RTN4RL1: variants seen among roughly 807,000 people sequenced by gnomAD.
RTN4RL1 encodes reticulon 4 receptor like 1.
In RTN4RL1, 7 loss-of-function variants were observed where a neutral mutation model predicts 25.6. That is an observed-to-expected ratio of 0.27 (90% CI 0.16 to 0.51). The LOEUF is 0.51. Among genes scored for constraint, RTN4RL1 ranks in the 20% least tolerant of loss-of-function variants. The pLI is 0.97. For missense variants in RTN4RL1, 500 were observed against 615.6 expected, an observed-to-expected ratio of 0.81 and a Z score of 1.99; for synonymous variants, 297 against 288.2, an observed-to-expected ratio of 1.03 and a Z score of -0.31.
At chr17:1,996,779 C>A (rs1392341065) in intron 1 of RTN4RL1, among the ~76,000 whole-genome samples, 1 of 152,126 alleles carries the variant, frequency 6.6e-6, no homozygotes, top group Non-Finnish European at 1.5e-5. Context: ...TTTTCTAATG[C>A]TCCTAAAAAA....
chr17:2,018,872 T>C (rs1325836161), intron 1 of RTN4RL1: 2 of 152,312 alleles, frequency 1.3e-5, no homozygotes, highest in Admixed American at 6.5e-5. Flanking sequence ...ATTGGCAGCA[T>C]GTGGACAGTG....
chr17:2,024,737 C>G (rs574550061), intron 1 of RTN4RL1, 116 bp downstream of exon 1: 1 of 1,078,546 alleles, frequency 9.3e-7, no homozygotes, highest in East Asian at 2.8e-5. Flanking sequence ...GCAAAACCCA[C>G]CAGCCCGCCG....
intron 1 of RTN4RL1, among the ~76,000 whole-genome samples, chr17:2,011,896 G>A (rs754125865): frequency 3.3e-5 from 5 of 152,036 alleles, no homozygotes; most frequent in Non-Finnish European, 4.4e-5. Context: ...AGAAGTTCCC[G>A]AGCCTCTTTC....
At chr17:2,013,398 C>T (rs2067074730) in intron 1 of RTN4RL1, among the ~76,000 whole-genome samples, 1 of 152,356 alleles carries the variant, frequency 6.6e-6, no homozygotes, top group Non-Finnish European at 1.5e-5. Context: ...ACCAGCCTGA[C>T]TTCCAGCTGC....
chr17:1,960,571 A>G (rs1264876384), intron 1 of RTN4RL1, among the ~76,000 whole-genome samples: 3 of 152,218 alleles, frequency 2.0e-5, no homozygotes, highest in Non-Finnish European at 4.4e-5. Context: ...TTTATTACAA[A>G]TAAATAACTA....
At chr17:1,972,173 G>A (rs182860403) in intron 1 of RTN4RL1, among the ~76,000 whole-genome samples, 8 of 151,494 alleles carry the variant, frequency 5.3e-5, no homozygotes, top group African/African-American at 1.7e-4. Context: ...TGGGCGTGGT[G>A]GCAGGCACCT....
At chr17:1,977,924 T>C (rs1457894597) in intron 1 of RTN4RL1, among the ~76,000 whole-genome samples, 2 of 140,450 alleles carry the variant, frequency 1.4e-5, no homozygotes, top group Admixed American at 1.4e-4. Context: ...GAGCCCCGCG[T>C]CCCGCACCCC....
chr17:1,982,745 A>C (rs1465799186), intron 1 of RTN4RL1, among the ~76,000 whole-genome samples: 2 of 152,190 alleles, frequency 1.3e-5, no homozygotes, highest in East Asian at 3.9e-4. Context: ...AGGCTCCCCG[A>C]CAGCTCCAGG....
At chr17:1,954,619 C>T (rs1028086355) in intron 1 of RTN4RL1, among the ~76,000 whole-genome samples, 3 of 152,040 alleles carry the variant, frequency 2.0e-5, no homozygotes, top group South Asian at 2.1e-4. Flanking sequence ...AACTCCTGAC[C>T]TCAGATGATC....
chr17:1,967,264 CAAACA>C lies in RTN4RL1; in HGVS notation c.14-29461_14-29457del, dbSNP rs2066795728. Among the ~76,000 whole-genome samples the C allele has an allele frequency of 2.6e-5, 4 of 152,178 alleles. No homozygotes were observed. In the South Asian group the frequency reaches 8.3e-4, roughly 32 times the overall value. On this transcript the variant is annotated intron_variant, in intron 1 of 1. Coordinates refer to ENST00000331238, the MANE Select transcript of RTN4RL1 (RefSeq NM_178568.4). Reference sequence around the variant, plus strand: ...AGCAAATTCGACAAAACAAACAAAACAAACAAAACACTGTGTGGGCCAACACAGCT... The same window carrying C: ...AGCAAATTCGACAAAACAAACAAAACAAACACTGTGTGGGCCAACACAGCT...
chr17:2,019,099 G>T (rs552247592), intron 1 of RTN4RL1: 154 of 152,278 alleles, frequency 1.0e-3, no homozygotes, highest in African/African-American at 3.5e-3. Context: ...GGAGCTGATG[G>T]TTCCCTCAGT....
rs558403542 is a variant in RTN4RL1 at position 1,994,100 on chromosome 17, G to A, written c.13+30753C>T. ...AGGACACGTGCACTCGAACCTCGCC[G>A]CTCCGGGTCCCAATCTGTGGATTGC... On this transcript the variant is annotated intron_variant, in intron 1 of 1. Transcript: ENST00000331238. This position sits in a 1 kb window ranked among gnomAD's most constrained non-coding sequence, Gnocchi z 4.3. 2.6e-5 allele frequency among the ~76,000 whole-genome samples: 4 copies of A among 152,034 alleles called. No individual in the cohort carries two copies. Among genetic ancestry groups the A allele is most frequent in the East Asian group, 1.9e-4 (1 of 5,174 alleles).
intron 1 of RTN4RL1, among the ~76,000 whole-genome samples, chr17:1,953,450 G>A (rs546785110): frequency 6.6e-6 from 1 of 152,224 alleles, no homozygotes; most frequent in Non-Finnish European, 1.5e-5. Context: ...TATACCTAAT[G>A]TAAATGATGA....
chr17:1,972,557 A>C (rs1458934811), intron 1 of RTN4RL1, among the ~76,000 whole-genome samples: 4 of 151,144 alleles, frequency 2.6e-5, no homozygotes, highest in Non-Finnish European at 5.9e-5. Context: ...CGCCCTCTCT[A>C]CCCTCTGTCT....
rs546769552 is a variant in RTN4RL1, at chr17:1,937,875, G to A, written c.14-67C>T. The A allele has an allele frequency of 2.6e-4, 322 of 1,261,094 alleles. 5 individuals carry two copies. The South Asian group carries it at 3.2e-3, about 12-fold the overall frequency. The allele number at this position is 1,261,094 out of a possible 1,614,324, so 78.1% of individuals were successfully genotyped here. ...GGTGAGGACTGGCACCGCACCCTCC[G>A]GCGCCCGCCGAGGACGCATCCTCGT... On this transcript the variant is annotated intron_variant, in intron 1 of 1. Coordinates refer to ENST00000331238, the MANE Select transcript of RTN4RL1 (RefSeq NM_178568.4).
At chr17:2,017,396 C>T (rs958312107) in intron 1 of RTN4RL1, among the ~76,000 whole-genome samples, 6 of 152,222 alleles carry the variant, frequency 3.9e-5, no homozygotes, top group African/African-American at 1.4e-4. Context: ...AGACATGTCA[C>T]GAGTCGTGCC....
At position 1,994,932 on chromosome 17, in the gene RTN4RL1, T is replaced by TAA. The variant is rs775125543; in HGVS notation, c.13+29919_13+29920dup. Among the ~76,000 whole-genome samples the TAA allele has an allele frequency of 7.7e-3, 1,039 of 135,692 alleles. 8 individuals are homozygous for TAA. The highest frequency in any genetic ancestry group is 0.02 in the African/African-American group (749 of 37,218). The allele number at this position is 135,692 out of a possible 152,430, so 89.0% of individuals were successfully genotyped here. ...GGCCAACATAGTAAGACCCCATCTC[T>TAA]AAAAAAAAAAAAAAATCATGAAATG... is the stretch of plus-strand genomic sequence containing the variant. On this transcript the variant is annotated intron_variant, in intron 1 of 1. Coordinates refer to ENST00000331238, the MANE Select transcript of RTN4RL1 (RefSeq NM_178568.4). The surrounding 1 kb of genome is among the most constrained non-coding windows in gnomAD (Gnocchi z 4.3).
intron 1 of RTN4RL1, among the ~76,000 whole-genome samples, chr17:1,980,890 G>C (rs1223745873): frequency 7.5e-6 from 1 of 134,094 alleles, no homozygotes; most frequent in Non-Finnish European, 1.5e-5. Flanking sequence ...TCACACCACT[G>C]CACTTCAGTC....
At chr17:2,002,708 T>G (rs1218802251) in intron 1 of RTN4RL1, among the ~76,000 whole-genome samples, 1 of 152,096 alleles carries the variant, frequency 6.6e-6, no homozygotes, top group Non-Finnish European at 1.5e-5. Context: ...CGTCTCTCTC[T>G]GTTGAGATTG....
Sources: gnomAD v4.1 joint callset for allele counts (sites outside exome capture counted in the v4.1 genomes callset) on GRCh38, gnomAD v4.1.1 for gene constraint, Gnocchi (gnomAD v3.1) non-coding constraint, MANE v1.5 for transcripts, NCBI Gene and HGNC (gene_info 2026-07-23, HGNC 2026-07-21) for gene names.